The following RBPMS variants were observed in gnomAD, a reference collection of about 807,000 sequenced individuals.
The protein encoded by RBPMS is RNA binding protein, mRNA processing factor.
RBPMS carries 7 observed loss-of-function variants against 26.8 expected under a neutral mutation model. The observed-to-expected ratio is 0.26, with a 90% CI of 0.15 to 0.49. The LOEUF (loss-of-function observed/expected upper bound fraction) is 0.49. Among genes scored for constraint, RBPMS ranks in the 20% least tolerant of loss-of-function variants. The pLI, the probability that RBPMS is intolerant of heterozygous loss-of-function variation, is 0.98. For synonymous variants in RBPMS, 96 were observed against 93.3 expected (o/e 1.03, Z -0.17); for missense variants, 186 against 250.0 (o/e 0.74, Z 1.73).
chr8:30,556,443 C>A, intron 6 of RBPMS: 9 of 985,850 alleles, frequency 9.1e-6, no homozygotes, highest in Non-Finnish European at 9.6e-6. Flanking sequence ...TTCCTTCTCG[C>A]AGTCACCTGC....
At chr8:30,557,609 C>T (rs746513419) in intron 6 of RBPMS, among the ~76,000 whole-genome samples, 1 of 152,208 alleles carries the variant, frequency 6.6e-6, no homozygotes, top group Non-Finnish European at 1.5e-5. Context: ...CTTGCTTCAT[C>T]ACTAAGCTTT....
At position 30,467,501 on chromosome 8, in the gene RBPMS, A is replaced by G. The variant is rs116648607; in HGVS notation, c.67-7278A>G. 1.5e-3 allele frequency among the ~76,000 whole-genome samples: 232 copies of G among 152,262 alleles called. 2 individuals carry two copies. Among genetic ancestry groups the G allele is most frequent in the African/African-American group, 5.2e-3 (216 of 41,540 alleles). On this transcript the variant is annotated intron_variant, in intron 1 of 8. Transcript: ENST00000397323. ...TATTACATGGTCTGTCAGAAGAGGG[A>G]TGGCACTGCCATAGGTATGGGAGTG...
At chr8:30,557,871 T>G (rs1314011386) in intron 6 of RBPMS, among the ~76,000 whole-genome samples, 2 of 152,232 alleles carry the variant, frequency 1.3e-5, no homozygotes, top group Non-Finnish European at 2.9e-5. Context: ...TTTTTTGTTT[T>G]GTTTCTTGTT....
At chr8:30,519,454 CTCTCTTTTTTTTTTTTTTTTTTTTTTTTT>C (rs1563403570) in intron 5 of RBPMS, among the ~76,000 whole-genome samples, 1 of 123,480 alleles carries the variant, frequency 8.1e-6, no homozygotes, top group African/African-American at 3.3e-5. Context: ...GGGAGGATCT[CTCTCTTTTTTTTTTTTTTTTTTTTTTTTT>C]TTTTTTTTTT....
At chr8:30,509,785 A>C (rs556754327) in intron 5 of RBPMS, among the ~76,000 whole-genome samples, 2 of 152,154 alleles carry the variant, frequency 1.3e-5, no homozygotes, top group Non-Finnish European at 2.9e-5. Context: ...GAATGACTAA[A>C]AGTTGCAGGT....
intron 6 of RBPMS, chr8:30,547,534 A>G: frequency 6.8e-7 from 1 of 1,471,962 alleles, no homozygotes; most frequent in Middle Eastern, 1.8e-4. Flanking sequence ...AGTAGACTGC[A>G]GCGTTTTGTT....
chr8:30,565,563 G>T (rs534150759), intron 7 of RBPMS: 5 of 152,226 alleles, frequency 3.3e-5, no homozygotes, highest in Non-Finnish European at 7.3e-5. Flanking sequence ...AGAGGCAGCC[G>T]TGCCTGCAGG....
intron 6 of RBPMS, chr8:30,549,665 G>A (rs563463273): frequency 2.4e-4 from 253 of 1,055,324 alleles, no homozygotes; most frequent in Non-Finnish European, 3.6e-4. Context: ...TGCTCACAGC[G>A]CCAGCCTCCT....
Position 30,436,984 on chromosome 8 carries a change from G to A in RBPMS, c.67-37795G>A, listed in dbSNP as rs532194511. 4.4e-3 allele frequency among the ~76,000 whole-genome samples: 658 copies of A among 150,398 alleles called. 5 individuals are homozygous for A. Among genetic ancestry groups the A allele is most frequent in the Non-Finnish European group, 6.3e-3 (426 of 67,722 alleles). ...GTCGCCCAGGCTGGAGTGCAGTGGC[G>A]CAATCTCGGCTCACTGCAAGCTCTG... On this transcript the variant is annotated intron_variant, in intron 1 of 8. Transcript: ENST00000397323.
At chr8:30,540,645 A>C (rs752986979) in intron 5 of RBPMS, among the ~76,000 whole-genome samples, 1 of 152,098 alleles carries the variant, frequency 6.6e-6, no homozygotes, top group African/African-American at 2.4e-5. Context: ...GCTTGTCTCA[A>C]ATCCTGGGTC....
chr8:30,464,171 G>C (rs1254266655), intron 1 of RBPMS, among the ~76,000 whole-genome samples: 1 of 152,026 alleles, frequency 6.6e-6, no homozygotes, highest in South Asian at 2.1e-4. Flanking sequence ...TCATATTTAC[G>C]TGTTCATATC....
intron 4 of RBPMS, among the ~76,000 whole-genome samples, chr8:30,501,458 T>C (rs1447346109): frequency 6.6e-6 from 1 of 151,788 alleles, no homozygotes; most frequent in Non-Finnish European, 1.5e-5. Context: ...TTCTCAGCAG[T>C]GTCCTTTTAA....
At chr8:30,418,765 G>A (rs1810389420) in intron 1 of RBPMS, among the ~76,000 whole-genome samples, 1 of 151,992 alleles carries the variant, frequency 6.6e-6, no homozygotes, top group African/African-American at 2.4e-5. Flanking sequence ...TTCTAGTAGA[G>A]ACTGGGTTTT....
intron 1 of RBPMS, among the ~76,000 whole-genome samples, chr8:30,408,371 G>A (rs2979483): frequency 0.42 from 63,810 of 151,938 alleles, 14,193 homozygotes; most frequent in East Asian, 0.71. Flanking sequence ...TCTACTAAAA[G>A]TACAAAAATC....
chr8:30,419,720 G>A (rs573004054), intron 1 of RBPMS, among the ~76,000 whole-genome samples: 10 of 152,034 alleles, frequency 6.6e-5, no homozygotes, highest in African/African-American at 2.2e-4. Context: ...GTTTAGACTT[G>A]GTTCCCATCC....
At chr8:30,549,656 G>C in intron 6 of RBPMS, 1 of 1,155,110 alleles carries the variant, frequency 8.7e-7, no homozygotes, top group Non-Finnish European at 1.3e-6. Flanking sequence ...CAGGCCTCAT[G>C]CTCACAGCGC....
intron 1 of RBPMS, among the ~76,000 whole-genome samples, chr8:30,467,249 C>T (rs1012259627): frequency 6.6e-6 from 1 of 152,222 alleles, no homozygotes; most frequent in African/African-American, 2.4e-5. Flanking sequence ...ACCAGCAGTC[C>T]TCAGCAGGGT....
intron 1 of RBPMS, among the ~76,000 whole-genome samples, chr8:30,386,846 G>C (rs981638314): frequency 1.8e-4 from 28 of 152,188 alleles, no homozygotes; most frequent in African/African-American, 6.3e-4. Context: ...TATTCACCCA[G>C]TTGAGAAAAC....
chr8:30,475,963 A>G (rs1399176008), intron 2 of RBPMS, among the ~76,000 whole-genome samples: 2 of 152,170 alleles, frequency 1.3e-5, no homozygotes, highest in African/African-American at 2.4e-5. Flanking sequence ...GCCACCTTTT[A>G]TAGAATTTCC....
Sources: gnomAD v4.1 joint callset for allele counts (sites outside exome capture counted in the v4.1 genomes callset) on GRCh38, gnomAD v4.1.1 for gene constraint, MANE v1.5 for transcripts, NCBI Gene and HGNC (gene_info 2026-07-23, HGNC 2026-07-21) for gene names.